The following ARHGEF9 variants were observed in gnomAD, a reference collection of about 807,000 sequenced individuals.
The protein encoded by ARHGEF9 is rho guanine nucleotide exchange factor 9.
ARHGEF9 carries 2 observed loss-of-function variants against 41.3 expected under a neutral mutation model. The observed-to-expected ratio is 0.05, with a 90% CI of 0.02 to 0.15. ARHGEF9 has a LOEUF of 0.15. Among genes scored for constraint, ARHGEF9 ranks in the 10% least tolerant of loss-of-function variants. ARHGEF9 has a pLI of 1.00. For missense variants in ARHGEF9, 225 were observed against 424.7 expected, an observed-to-expected ratio of 0.53 and a Z score of 4.13; for synonymous variants, 160 against 154.4, an observed-to-expected ratio of 1.04 and a Z score of -0.27.
intron 1 of ARHGEF9, among the ~76,000 whole-genome samples, chrX:63,746,428 A>C (rs2055278537): frequency 1.8e-5 from 2 of 111,529 alleles, no homozygotes; most frequent in Non-Finnish European, 1.9e-5. Context: ...TAATTCTCAG[A>C]GTCATGACTG....
chrX:63,709,111 A>G (rs1556404958), intron 2 of ARHGEF9: 3 of 112,229 alleles, frequency 2.7e-5, no homozygotes, highest in Non-Finnish European at 3.8e-5. Context: ...ACCCTGCCCA[A>G]CAATCCGTGC....
chrX:63,693,691 C>G (rs1193260506), intron 4 of ARHGEF9, among the ~76,000 whole-genome samples: 1 of 103,482 alleles, frequency 9.7e-6, no homozygotes, highest in African/African-American at 3.5e-5. Context: ...ACTCTCAAAA[C>G]TAAACAATAA....
intron 1 of ARHGEF9, among the ~76,000 whole-genome samples, chrX:63,744,465 C>T (rs1235008646): frequency 8.9e-6 from 1 of 112,507 alleles, no homozygotes; most frequent in Non-Finnish European, 1.9e-5. Context: ...AGCTCCAGCA[C>T]CTATTTTTCT....
Position 63,767,781 on chromosome X carries a change from G to A in ARHGEF9, c.30+17335C>T, listed in dbSNP as rs1329888924. 2.7e-5 allele frequency among the ~76,000 whole-genome samples: 3 copies of A among 111,933 alleles called. No homozygotes were observed. The Admixed American group carries it at 2.8e-4, about 11-fold the overall frequency. ...ACCCCTCACCTCTAGAATGAAGGAGGCTGGGCAGCGTTCACTCCTGGCAAG... is the reference window on the plus strand; with the variant it reads ...ACCCCTCACCTCTAGAATGAAGGAGACTGGGCAGCGTTCACTCCTGGCAAG... On this transcript the variant is annotated intron_variant, in intron 1 of 9. Coordinates refer to ENST00000671741, the MANE Select transcript of ARHGEF9 (RefSeq NM_001353921.2).
In ARHGEF9 at chrX:63,785,103, T is replaced by A. The variant is rs2147835536; in HGVS notation, c.30+13A>T. The A allele has an allele frequency of 3.4e-6, 4 of 1,165,061 alleles. No individual in the cohort carries two copies. In the East Asian group the frequency reaches 1.3e-4, roughly 38 times the overall value. ...AGGCTCAAGCAAGGGAAGCCAAGGT[T>A]ACATGCACTCACCATTCCCGATCCG... On this transcript the variant is annotated intron_variant, in intron 1 of 9. Coordinates refer to ENST00000671741, the MANE Select transcript of ARHGEF9 (RefSeq NM_001353921.2).
intron 1 of ARHGEF9, among the ~76,000 whole-genome samples, chrX:63,728,623 C>T (rs1402424899): frequency 8.9e-6 from 1 of 112,038 alleles, no homozygotes; most frequent in Admixed American, 9.4e-5. Context: ...AACTATACAA[C>T]CTTGGGTCTC....
At chrX:63,701,375 AACC>A (rs2052161014) in intron 3 of ARHGEF9, 1 of 109,483 alleles carries the variant, frequency 9.1e-6, no homozygotes, top group Admixed American at 9.7e-5. Context: ...TTTTGCCTGG[AACC>A]TGAGGCCTGA....
intron 1 of ARHGEF9, among the ~76,000 whole-genome samples, chrX:63,762,046 G>A (rs782257643): frequency 5.4e-5 from 6 of 111,647 alleles, no homozygotes; most frequent in Non-Finnish European, 9.4e-5. Flanking sequence ...GTTCAAGACT[G>A]TGGTGGGGAG....
chrX:63,731,593 T>C (rs1207034170), intron 1 of ARHGEF9, among the ~76,000 whole-genome samples: 1 of 98,275 alleles, frequency 1.0e-5, no homozygotes, highest in East Asian at 3.3e-4. Context: ...AGAGTCTTGC[T>C]CTGTTGCCCA....
chrX:63,741,909 T>C, intron 1 of ARHGEF9, among the ~76,000 whole-genome samples: 1 of 112,469 alleles, frequency 8.9e-6, no homozygotes, highest in South Asian at 3.7e-4. Flanking sequence ...TGTGTCTGAG[T>C]ATGTGTAAGT....
chrX:63,706,585 C>T (rs782055107), intron 2 of ARHGEF9, 136 bp from the exon 3 acceptor site: 49 of 733,233 alleles, frequency 6.7e-5, no homozygotes, highest in East Asian at 2.1e-4. Context: ...AAGTAGAATT[C>T]GAAACCTGGC....
intron 4 of ARHGEF9, among the ~76,000 whole-genome samples, chrX:63,689,417 T>C (rs1187793181): frequency 1.8e-5 from 2 of 112,032 alleles, no homozygotes; most frequent in Non-Finnish European, 3.8e-5. Context: ...CATTATATAA[T>C]AATAAATGGG....
At chrX:63,672,726 C>T (rs1797751674) in intron 6 of ARHGEF9, among the ~76,000 whole-genome samples, 1 of 111,438 alleles carries the variant, frequency 9.0e-6, no homozygotes, top group South Asian at 3.8e-4. Flanking sequence ...GGCACCTTCT[C>T]TTACAAAAAA....
intron 8 of ARHGEF9, among the ~76,000 whole-genome samples, chrX:63,653,562 TA>T: frequency 2.7e-5 from 3 of 111,350 alleles, no homozygotes; most frequent in Middle Eastern, 4.7e-3. Flanking sequence ...TATGATAAAT[TA>T]AGTTTAAAAA....
At chrX:63,755,492 G>C (rs1556446232) in intron 1 of ARHGEF9, among the ~76,000 whole-genome samples, 1 of 110,684 alleles carries the variant, frequency 9.0e-6, no homozygotes. Context: ...TGAAGAGGGA[G>C]AAAAAGAAGA....
chrX:63,658,538 G>C (rs1199128420), intron 7 of ARHGEF9, among the ~76,000 whole-genome samples: 2 of 111,569 alleles, frequency 1.8e-5, no homozygotes, highest in Non-Finnish European at 3.8e-5. Context: ...AATGAAGACA[G>C]TTATCCTTAC....
chrX:63,714,618 G>A (rs2053171419), intron 2 of ARHGEF9, among the ~76,000 whole-genome samples: 1 of 112,033 alleles, frequency 8.9e-6, no homozygotes. Context: ...CTGATCCTCA[G>A]TTTCCTTACC....
chrX:63,755,456 A>G (rs2055900009), intron 1 of ARHGEF9: 1 of 272,230 alleles, frequency 3.7e-6, no homozygotes, highest in Admixed American at 6.5e-5. Context: ...AAGGGACCCA[A>G]TAGGATGCAA....
intron 4 of ARHGEF9, among the ~76,000 whole-genome samples, chrX:63,689,359 T>C (rs1404022347): frequency 8.9e-6 from 1 of 111,752 alleles, no homozygotes; most frequent in Non-Finnish European, 1.9e-5. Context: ...ACATATATCA[T>C]ACGAAACAGA....
Sources: gnomAD v4.1 joint callset for allele counts (sites outside exome capture counted in the v4.1 genomes callset) on GRCh38, gnomAD v4.1.1 for gene constraint, MANE v1.5 for transcripts, NCBI Gene and HGNC (gene_info 2026-07-23, HGNC 2026-07-21) for gene names.